MYO5B: variants seen among roughly 807,000 people sequenced by gnomAD.
The protein encoded by MYO5B is myosin VB, also known as unconventional myosin-Vb.
A neutral mutation model predicts 229.3 loss-of-function variants in MYO5B; 143 were observed. The observed-to-expected ratio is 0.62, with a 90% confidence interval of 0.54 to 0.72. The LOEUF is 0.72. Ranked by LOEUF, MYO5B falls within the 30% of genes least tolerant of loss-of-function variation. The pLI, the probability that MYO5B is intolerant of heterozygous loss-of-function variation, is 0.00. For missense variants in MYO5B, 2,321 were observed against 2,331.0 expected (o/e 1.00, Z 0.09); for synonymous variants, 918 against 885.2 (o/e 1.04, Z -0.66).
chr18:49,853,984 C>G (rs2024231773), intron 30 of MYO5B, among the ~76,000 whole-genome samples: 1 of 152,248 alleles, frequency 6.6e-6, no homozygotes, highest in Non-Finnish European at 1.5e-5. Flanking sequence ...AGAAATACAT[C>G]TCTTAAAGCA....
intron 1 of MYO5B, among the ~76,000 whole-genome samples, chr18:50,191,471 G>C (rs1223024432): frequency 6.6e-6 from 1 of 152,132 alleles, no homozygotes; most frequent in South Asian, 2.1e-4. Context: ...TCCATAACCT[G>C]AGAAAAAGTA....
chr18:49,854,868 C>T (rs1352360425), intron 30 of MYO5B, among the ~76,000 whole-genome samples: 1 of 152,138 alleles, frequency 6.6e-6, no homozygotes, highest in Admixed American at 6.5e-5. Context: ...ATATAAGCAA[C>T]CACATTTTAT....
At chr18:50,061,236 T>C (rs1445729788) in intron 1 of MYO5B, among the ~76,000 whole-genome samples, 1 of 152,216 alleles carries the variant, frequency 6.6e-6, no homozygotes, top group Non-Finnish European at 1.5e-5. Context: ...TGTAAGTTGA[T>C]GAATGGGTCT....
intron 17 of MYO5B, among the ~76,000 whole-genome samples, chr18:49,926,637 T>C (rs2025131431): frequency 6.6e-6 from 1 of 152,242 alleles, no homozygotes; most frequent in Non-Finnish European, 1.5e-5. Flanking sequence ...GGATCCAATG[T>C]TGGCATAGCT....
intron 14 of MYO5B, among the ~76,000 whole-genome samples, chr18:49,942,564 A>C (rs1228994683): frequency 3.3e-5 from 5 of 152,144 alleles, no homozygotes; most frequent in Admixed American, 6.5e-5. Flanking sequence ...GGATATGAAC[A>C]GACACTTCTC....
chr18:49,881,275 A>T (rs545624403), intron 22 of MYO5B, among the ~76,000 whole-genome samples: 91 of 152,294 alleles, frequency 6.0e-4, no homozygotes, highest in African/African-American at 2.1e-3. Context: ...CACAATGAAC[A>T]AATGATCTCT....
At chr18:50,134,278 G>T (rs2144275512) in intron 1 of MYO5B, among the ~76,000 whole-genome samples, 1 of 151,394 alleles carries the variant, frequency 6.6e-6, no homozygotes, top group East Asian at 2.0e-4. Context: ...CCGCGTGGCA[G>T]GGCTCGGTGG....
Position 49,862,450 on chromosome 18 carries a change from A to G in MYO5B, c.3944+777T>C, listed in dbSNP as rs572803816. On this transcript the variant is annotated intron_variant, in intron 29 of 39. Coordinates refer to ENST00000285039, the MANE Select transcript of MYO5B (RefSeq NM_001080467.3). ...GATAGGAGCTCACCCCATCTTCCCA[A>G]AGCCACAGGAAGGATGCCGCTATGG... 1.2e-4 allele frequency among the ~76,000 whole-genome samples: 19 copies of G among 152,202 alleles called. 1 individual carries two copies. The Middle Eastern group carries it at 0.01, about 82-fold the overall frequency.
At chr18:49,957,705 C>T (rs1486763719) in intron 12 of MYO5B, among the ~76,000 whole-genome samples, 1 of 148,920 alleles carries the variant, frequency 6.7e-6, no homozygotes, top group African/African-American at 2.5e-5. Context: ...AAAACCAGAC[C>T]CCAAGGCCAG....
chr18:49,910,870 T>A (rs1039600250), intron 18 of MYO5B, among the ~76,000 whole-genome samples: 1 of 152,208 alleles, frequency 6.6e-6, no homozygotes, highest in Non-Finnish European at 1.5e-5. Context: ...TGATTTTTGA[T>A]ATAATTTAAC....
intron 18 of MYO5B, among the ~76,000 whole-genome samples, chr18:49,909,738 C>G (rs2024937664): frequency 6.6e-6 from 1 of 152,132 alleles, no homozygotes; most frequent in Admixed American, 6.5e-5. Flanking sequence ...GAGTAGCTAA[C>G]AACATCTGGG....
At chr18:49,849,541 A>G (rs756128155) in intron 32 of MYO5B, 26 bp downstream of exon 32, 9 of 1,549,630 alleles carry the variant, frequency 5.8e-6, no homozygotes, top group Middle Eastern at 2.3e-4. Context: ...GTGATTCACA[A>G]AACACACTCA....
At chr18:49,868,530 A>T (rs528372226) in intron 27 of MYO5B, among the ~76,000 whole-genome samples, 112 of 152,338 alleles carry the variant, frequency 7.4e-4, no homozygotes, top group African/African-American at 2.5e-3. Flanking sequence ...CAGGTCGATA[A>T]AGAAAAACCA....
In MYO5B at chr18:50,168,841, T is replaced by A. The variant is rs1201901265; in HGVS notation, c.27+25926A>T. Among the ~76,000 whole-genome samples, 4 of 128,404 alleles carry A rather than the reference T, an allele frequency of 3.1e-5. 1 individual carries two copies. Among genetic ancestry groups the A allele is most frequent in the Non-Finnish European group, 6.7e-5 (4 of 60,026 alleles). 84.2% of individuals were successfully genotyped at this position (128,404 alleles called of 152,430 possible). ...ACTTTCATAAATTCACATATCTGTG[T>A]AAGCAGCATTCAGATCGGAAGTTAC... On this transcript the variant is annotated intron_variant, in intron 1 of 39. Transcript: ENST00000285039.
chr18:49,942,581 A>C (rs2025329239), intron 14 of MYO5B, among the ~76,000 whole-genome samples: 1 of 152,108 alleles, frequency 6.6e-6, no homozygotes, highest in South Asian at 2.1e-4. Flanking sequence ...TCTCAAAAGA[A>C]GACATTTATG....
chr18:49,953,092 T>G (rs965996450), intron 14 of MYO5B, among the ~76,000 whole-genome samples, 168 bp downstream of exon 14: 3 of 152,172 alleles, frequency 2.0e-5, no homozygotes, highest in African/African-American at 7.2e-5. Flanking sequence ...ACATTCACAG[T>G]GGTATGGCCA....
At chr18:49,857,192 G>T (rs1020267502) in intron 29 of MYO5B, among the ~76,000 whole-genome samples, 5 of 152,214 alleles carry the variant, frequency 3.3e-5, no homozygotes, top group Non-Finnish European at 5.9e-5. Context: ...GCTTGTTCTG[G>T]TAACTCTGTA....
intron 17 of MYO5B, among the ~76,000 whole-genome samples, chr18:49,921,708 AG>A (rs990737223): frequency 6.6e-6 from 1 of 152,214 alleles, no homozygotes; most frequent in African/African-American, 2.4e-5. Flanking sequence ...AATTTGGGGA[AG>A]GGGGGTAAGA....
chr18:49,918,288 C>T (rs1207915993), intron 17 of MYO5B, among the ~76,000 whole-genome samples: 3 of 152,196 alleles, frequency 2.0e-5, no homozygotes, highest in Admixed American at 6.5e-5. Flanking sequence ...TCTTCTCCCT[C>T]GGGCATGTTT....
Sources: allele counts gnomAD v4.1 joint callset (sites outside exome capture counted in the v4.1 genomes callset), GRCh38; gene constraint gnomAD v4.1.1; transcripts MANE v1.5; gene names NCBI Gene and HGNC (gene_info 2026-07-23, HGNC 2026-07-21).